Variants in ZCCHC24 observed in about 807,000 individuals in gnomAD.
ZCCHC24 encodes zinc finger CCHC-type containing 24.
A neutral mutation model predicts 26.2 loss-of-function variants in ZCCHC24; 10 were observed. That is an observed-to-expected ratio of 0.38 (90% CI 0.24 to 0.65). The LOEUF (loss-of-function observed/expected upper bound fraction) is 0.65, where lower values mean the gene tolerates loss of function less well. Ranked by LOEUF, ZCCHC24 falls within the 30% of genes least tolerant of loss-of-function variation. The pLI, the probability that ZCCHC24 is intolerant of heterozygous loss-of-function variation, is 0.54. For synonymous variants in ZCCHC24, 144 were observed against 147.1 expected, an observed-to-expected ratio of 0.98 and a Z score of 0.15; for missense variants, 243 against 329.1, an observed-to-expected ratio of 0.74 and a Z score of 2.03.
chr10:79,426,207 A>T (rs1029187616), intron 2 of ZCCHC24, among the ~76,000 whole-genome samples: 3 of 152,204 alleles, frequency 2.0e-5, no homozygotes, highest in African/African-American at 4.8e-5. Flanking sequence ...GTGGCAGTGA[A>T]TGCTTTAAGC....
intron 2 of ZCCHC24, among the ~76,000 whole-genome samples, chr10:79,395,055 A>G (rs1416001815): frequency 6.6e-6 from 1 of 152,210 alleles, no homozygotes; most frequent in Non-Finnish European, 1.5e-5. Flanking sequence ...CTGGTTCTGC[A>G]TCTTCCATTC....
At chr10:79,408,377 T>A (rs936290749) in intron 2 of ZCCHC24, among the ~76,000 whole-genome samples, 10 of 152,184 alleles carry the variant, frequency 6.6e-5, no homozygotes. Flanking sequence ...ACCAGCTTGA[T>A]GCCTGGATCC....
intron 3 of ZCCHC24, among the ~76,000 whole-genome samples, chr10:79,389,395 T>C (rs540314367): frequency 4.6e-5 from 7 of 152,308 alleles, no homozygotes; most frequent in Non-Finnish European, 8.8e-5. Flanking sequence ...CAAAGTCAGA[T>C]AGACAGAGCT....
rs540156798 is a variant in ZCCHC24 at position 79,422,597 on chromosome 10, G to A, written c.447+9961C>T. Among the ~76,000 whole-genome samples the A allele has an allele frequency of 5.9e-5, 9 of 152,220 alleles. 1 individual carries two copies. In the South Asian group the frequency reaches 6.2e-4, roughly 11 times the overall value. On this transcript the variant is annotated intron_variant, in intron 2 of 3. Transcript: ENST00000372336. ...CTGTTCTAGGATTCCATTCTCTCTCGGCTCTATTTTTCTTCTTTTGCAATC... is the reference window on the plus strand; with the variant it reads ...CTGTTCTAGGATTCCATTCTCTCTCAGCTCTATTTTTCTTCTTTTGCAATC...
chr10:79,414,771 T>C (rs1856838069), intron 2 of ZCCHC24, among the ~76,000 whole-genome samples: 1 of 152,082 alleles, frequency 6.6e-6, no homozygotes, highest in South Asian at 2.1e-4. Flanking sequence ...CCACCCTGGA[T>C]CTACTGAATT....
intron 2 of ZCCHC24, among the ~76,000 whole-genome samples, chr10:79,422,884 C>T (rs1250056847): frequency 1.3e-5 from 2 of 152,252 alleles, no homozygotes; most frequent in Admixed American, 6.5e-5. Context: ...TAGAGAGCTT[C>T]TGCTCCCAGG....
chr10:79,407,278 A>T (rs1856730071), intron 2 of ZCCHC24, among the ~76,000 whole-genome samples: 2 of 152,204 alleles, frequency 1.3e-5, no homozygotes, highest in Admixed American at 1.3e-4. Flanking sequence ...TGTGGGAGCC[A>T]GGCTGACTGT....
chr10:79,404,151 C>A (rs1057046221), intron 2 of ZCCHC24, among the ~76,000 whole-genome samples: 2 of 152,160 alleles, frequency 1.3e-5, no homozygotes, highest in Admixed American at 1.3e-4. Flanking sequence ...CCAAGGAGCC[C>A]CTCCAGGACC....
At chr10:79,433,585 C>G (rs1352597805) in intron 1 of ZCCHC24, among the ~76,000 whole-genome samples, 1 of 152,214 alleles carries the variant, frequency 6.6e-6, no homozygotes, top group African/African-American at 2.4e-5. Context: ...CAGGGGTCCC[C>G]CTTTCCTGGA....
In ZCCHC24 at chr10:79,396,334, G is replaced by A. The variant is rs73297204; in HGVS notation, c.448-1894C>T. Among the ~76,000 whole-genome samples, 642 of 152,334 alleles carry A rather than the reference G, an allele frequency of 4.2e-3. 5 individuals are homozygous for A. Among genetic ancestry groups the A allele is most frequent in the African/African-American group, 0.015 (616 of 41,574 alleles). ...GAACATTCACGTGCAAGCTGCAAGT[G>A]TTCTTAAAAGTTGAATGAGTTACCC... On this transcript the variant is annotated intron_variant, in intron 2 of 3. Transcript: ENST00000372336.
chr10:79,417,738 C>T (rs1856883333), intron 2 of ZCCHC24, among the ~76,000 whole-genome samples: 1 of 152,222 alleles, frequency 6.6e-6, no homozygotes, highest in African/African-American at 2.4e-5. Flanking sequence ...GCTCCGTGAG[C>T]CAGGCATGAG....
At chr10:79,413,604 G>C (rs1218909623) in intron 2 of ZCCHC24, among the ~76,000 whole-genome samples, 3 of 152,210 alleles carry the variant, frequency 2.0e-5, no homozygotes, top group African/African-American at 7.2e-5. Flanking sequence ...GTTCTGTGCA[G>C]AAAGCCAGAC....
At chr10:79,434,128 C>T (rs1050869555) in intron 1 of ZCCHC24, among the ~76,000 whole-genome samples, 2 of 152,324 alleles carry the variant, frequency 1.3e-5, no homozygotes, top group Admixed American at 6.5e-5. Flanking sequence ...GACTCTGTTC[C>T]GTCTCGTGTG....
At chr10:79,440,843 T>C (rs1857283409) in intron 1 of ZCCHC24, among the ~76,000 whole-genome samples, 1 of 152,180 alleles carries the variant, frequency 6.6e-6, no homozygotes, top group South Asian at 2.1e-4. Context: ...CCCTCCCACC[T>C]GACTCAGAAG....
intron 2 of ZCCHC24, among the ~76,000 whole-genome samples, chr10:79,398,018 G>A (rs890909439): frequency 6.6e-6 from 1 of 152,216 alleles, no homozygotes; most frequent in Non-Finnish European, 1.5e-5. Context: ...AAGCACAGAC[G>A]CACCATGTAA....
intron 2 of ZCCHC24, among the ~76,000 whole-genome samples, chr10:79,403,128 C>T (rs1856660342): frequency 6.6e-6 from 1 of 152,236 alleles, no homozygotes; most frequent in Non-Finnish European, 1.5e-5. Flanking sequence ...TACTCCTGGG[C>T]TCAAGCCCAA....
intron 1 of ZCCHC24, chr10:79,444,011 CT>C: frequency 7.1e-7 from 1 of 1,417,150 alleles, no homozygotes; most frequent in Non-Finnish European, 9.3e-7. Context: ...AAGGGCGACC[CT>C]CTGCCTCCCT....
intron 2 of ZCCHC24, among the ~76,000 whole-genome samples, chr10:79,408,206 A>C (rs1004141937): frequency 6.6e-6 from 1 of 152,198 alleles, no homozygotes; most frequent in African/African-American, 2.4e-5. Flanking sequence ...TTGGGTGCCC[A>C]GAAGCCTGGA....
intron 2 of ZCCHC24, among the ~76,000 whole-genome samples, chr10:79,432,327 G>T (rs967091815): frequency 5.9e-5 from 9 of 152,246 alleles, no homozygotes; most frequent in Middle Eastern, 3.2e-3. Flanking sequence ...CCCCCACCCA[G>T]ATTGCTGACC....
Sources: gnomAD v4.1 joint callset for allele counts (sites outside exome capture counted in the v4.1 genomes callset) on GRCh38, gnomAD v4.1.1 for gene constraint, MANE v1.5 for transcripts, NCBI Gene and HGNC (gene_info 2026-07-23, HGNC 2026-07-21) for gene names.